Variants in STON1 observed in about 807,000 individuals in gnomAD.
The protein encoded by STON1 is stonin 1.
A neutral mutation model predicts 60.9 loss-of-function variants in STON1; 79 were observed. The ratio of observed to expected loss-of-function variants is 1.30; its 90% CI spans 1.08 to 1.56. STON1 has a LOEUF of 1.56. STON1 is among the 40% of genes most tolerant of loss of function. The pLI is 0.00. For synonymous variants in STON1, 363 were observed against 306.9 expected, an observed-to-expected ratio of 1.18 and a Z score of -1.91; for missense variants, 1,166 against 858.9, an observed-to-expected ratio of 1.36 and a Z score of -4.47.
intron 1 of STON1, among the ~76,000 whole-genome samples, chr2:48,572,837 G>A (rs1202087149): frequency 2.6e-5 from 4 of 152,176 alleles, no homozygotes; most frequent in East Asian, 3.9e-4. Flanking sequence ...GAGCCTCCTC[G>A]TGGGTCCCAT....
intron 1 of STON1, among the ~76,000 whole-genome samples, chr2:48,563,937 G>C (rs936964475): frequency 6.6e-6 from 1 of 151,320 alleles, no homozygotes. Flanking sequence ...TGACTCAAGC[G>C]ATCCACCCAC....
chr2:48,578,581 C>CTTTTGTTTTTTTTTTTTTTTTTTT (rs1673677056), intron 1 of STON1, among the ~76,000 whole-genome samples: 1 of 46,154 alleles, frequency 2.2e-5, no homozygotes, highest in African/African-American at 9.3e-5. Flanking sequence ...CTCCTCCTTC[C>CTTTTGTTTTTTTTTTTTTTTTTTT]TTTTTTTTTT....
chr2:48,533,106 G>A (rs1042930370), intron 1 of STON1, among the ~76,000 whole-genome samples: 9 of 152,038 alleles, frequency 5.9e-5, no homozygotes, highest in East Asian at 1.9e-4. Context: ...AAGATGGGCC[G>A]GGCGCGGTGG....
At chr2:48,561,224 ACCAGC>A (rs1672597064) in intron 1 of STON1, among the ~76,000 whole-genome samples, 1 of 152,104 alleles carries the variant, frequency 6.6e-6, no homozygotes, top group South Asian at 2.1e-4. Flanking sequence ...TGTGCATAAA[ACCAGC>A]TCCCTGTCCT....
chr2:48,541,105 T>A (rs1295937472), intron 1 of STON1, among the ~76,000 whole-genome samples: 2 of 152,164 alleles, frequency 1.3e-5, no homozygotes, highest in East Asian at 3.9e-4. Flanking sequence ...ATCCCAGAAC[T>A]TTGGGAGGCT....
chr2:48,566,138 C>G (rs1162453227), intron 1 of STON1, among the ~76,000 whole-genome samples: 1 of 152,154 alleles, frequency 6.6e-6, no homozygotes, highest in Non-Finnish European at 1.5e-5. Flanking sequence ...TAGCTTGAAC[C>G]AAACTCAATT....
chr2:48,568,120 C>T (rs1182871662), intron 1 of STON1, among the ~76,000 whole-genome samples: 1 of 152,120 alleles, frequency 6.6e-6, no homozygotes, highest in Non-Finnish European at 1.5e-5. Flanking sequence ...TAGGAATTGA[C>T]CCAACAGGGA....
chr2:48,581,384 C>A lies in STON1; in HGVS notation c.751C>A (p.His251Asn). ...AGACTCACTTAGAAGTTTGTCTATG[C>A]ACTGTCTATGTGCTGAAGAAAATGC... ...NQDSLRSLSM[H>N]CLCAEENASS... Residue 251 changes from histidine to asparagine, a missense_variant, in exon 2 of 4, where the codon CAC becomes AAC. Physicochemically the swap from His to Asn is moderately conservative, Grantham distance 68. Transcript: ENST00000404752. The A allele has an allele frequency of 6.3e-7, 1 of 1,596,712 alleles. No homozygotes were observed. The highest frequency in any genetic ancestry group is 8.5e-7 in the Non-Finnish European group (1 of 1,170,958).
rs149572071 is a variant in STON1, at chr2:48,580,633, G to T, written c.-1G>T. ...GACAAGACCACAATCTGATCCCAAA[G>T]ATGTGCTCCACAAATCCAGGCAAAT... On this transcript the variant is annotated 5_prime_UTR_variant, in exon 2 of 4. Coordinates refer to ENST00000404752, the MANE Select transcript of STON1 (RefSeq NM_006873.4). 2 of 1,355,864 alleles carry T rather than the reference G, an allele frequency of 1.5e-6. No homozygotes were observed. Among genetic ancestry groups the T allele is most frequent in the South Asian group, 5.0e-5 (2 of 39,632 alleles). The allele number at this position is 1,355,864 out of a possible 1,614,324, so 84.0% of individuals were successfully genotyped here. A position where few individuals can be genotyped will look rare whatever the true frequency, so the allele number is the denominator to read the frequency against.
intron 1 of STON1, among the ~76,000 whole-genome samples, chr2:48,541,691 C>A (rs1223544287): frequency 1.2e-5 from 1 of 84,058 alleles, no homozygotes; most frequent in African/African-American, 5.4e-5. Flanking sequence ...AAGAGTGAAA[C>A]TTCGTCTCAA....
At chr2:48,576,612 C>T (rs901128800) in intron 1 of STON1, among the ~76,000 whole-genome samples, 2 of 150,790 alleles carry the variant, frequency 1.3e-5, no homozygotes, top group Admixed American at 6.6e-5. Context: ...TGTTGAGCAT[C>T]TTTTCATATA....
chr2:48,531,636 G>T, intron 1 of STON1: 1 of 152,428 alleles, frequency 6.6e-6, no homozygotes, highest in Non-Finnish European at 1.5e-5. Flanking sequence ...CACTCACTCA[G>T]AACCAGAGCA....
intron 1 of STON1, among the ~76,000 whole-genome samples, chr2:48,548,790 A>AT (rs1426256777): frequency 6.6e-6 from 1 of 152,106 alleles, no homozygotes; most frequent in Non-Finnish European, 1.5e-5. Context: ...GTGAGCCACC[A>AT]TGCCCGGCCT....
rs1158496795 is a variant in STON1 at position 48,581,293 on chromosome 2, C to G, written c.660C>G (p.Ser220Arg). The change falls in exon 2 of 4, where the codon AGC becomes AGG. Residue 220 changes from serine to arginine, a missense_variant. Ser to Arg is a moderately radical substitution (Grantham distance 110). Transcript: ENST00000404752. ...AGGAGATGCCTATTGACCAAAAAAG[C>G]CTAAATAAGTGTTCACTCAACTATA... ...RNKEMPIDQK[S>R]LNKCSLNYIC... 2.0e-6 allele frequency: 3 copies of G among 1,521,790 alleles called. No homozygotes were observed. The highest frequency in any genetic ancestry group is 2.6e-6 in the Non-Finnish European group (3 of 1,138,624). 94.3% of individuals were successfully genotyped at this position (1,521,790 alleles called of 1,614,324 possible). A position where few individuals can be genotyped will look rare whatever the true frequency, so the allele number is the denominator to read the frequency against.
chr2:48,572,070 G>A (rs1231291766), intron 1 of STON1, among the ~76,000 whole-genome samples: 1 of 152,196 alleles, frequency 6.6e-6, no homozygotes, highest in East Asian at 1.9e-4. Context: ...GGCTGAGGCA[G>A]GAGAATTGCT....
At chr2:48,589,635 G>C (rs1271648437) in intron 2 of STON1, among the ~76,000 whole-genome samples, 2 of 152,176 alleles carry the variant, frequency 1.3e-5, no homozygotes, top group Admixed American at 6.5e-5. Flanking sequence ...AGGTAGAAAG[G>C]TTTTGTTTCT....
At chr2:48,551,467 G>T (rs375925824) in intron 1 of STON1, among the ~76,000 whole-genome samples, 2 of 152,008 alleles carry the variant, frequency 1.3e-5, no homozygotes, top group East Asian at 3.9e-4. Context: ...GCCTTGTCTT[G>T]TTGGCTCAGC....
At chr2:48,586,187 C>G (rs934251372) in intron 2 of STON1, among the ~76,000 whole-genome samples, 1 of 152,200 alleles carries the variant, frequency 6.6e-6, no homozygotes, top group Non-Finnish European at 1.5e-5. Flanking sequence ...GAAAATGATC[C>G]TGTTTATAAT....
intron 2 of STON1, among the ~76,000 whole-genome samples, chr2:48,588,237 T>C (rs961228778): frequency 6.6e-6 from 1 of 152,224 alleles, no homozygotes; most frequent in Non-Finnish European, 1.5e-5. Flanking sequence ...GATCCCAGAA[T>C]GCATCTCTAT....
Sources: allele counts gnomAD v4.1 joint callset (sites outside exome capture counted in the v4.1 genomes callset), GRCh38; gene constraint gnomAD v4.1.1; transcripts MANE v1.5; gene names NCBI Gene and HGNC (gene_info 2026-07-23, HGNC 2026-07-21).